ATG5: variants seen among roughly 807,000 people sequenced by gnomAD.
ATG5 encodes the protein autophagy protein 5.
A neutral mutation model predicts 36.5 loss-of-function variants in ATG5; 14 were observed. That is an observed-to-expected ratio of 0.38 (90% CI 0.25 to 0.60). The LOEUF is 0.60. Among genes scored for constraint, ATG5 ranks in the 20% least tolerant of loss-of-function variants. ATG5 has a pLI of 0.60. For synonymous variants in ATG5, 95 were observed against 101.5 expected, an observed-to-expected ratio of 0.94 and a Z score of 0.38; for missense variants, 195 against 326.7, an observed-to-expected ratio of 0.60 and a Z score of 3.11.
At chr6:106,234,326 T>C (rs945247133) in intron 6 of ATG5, among the ~76,000 whole-genome samples, 1 of 152,304 alleles carries the variant, frequency 6.6e-6, no homozygotes, top group African/African-American at 2.4e-5. Context: ...TACTAACTGT[T>C]GGATGTGCCT....
At chr6:106,281,338 C>G (rs1779869699) in intron 4 of ATG5, among the ~76,000 whole-genome samples, 1 of 152,170 alleles carries the variant, frequency 6.6e-6, no homozygotes, top group African/African-American at 2.4e-5. Context: ...GTGCCCTTTG[C>G]AGTCAGTTCC....
intron 6 of ATG5, among the ~76,000 whole-genome samples, chr6:106,209,653 TAC>T (rs1213070846): frequency 6.6e-6 from 1 of 152,078 alleles, no homozygotes; most frequent in African/African-American, 2.4e-5. Context: ...TAGAACTAAA[TAC>T]ACACACACAG....
intron 2 of ATG5, among the ~76,000 whole-genome samples, chr6:106,315,535 C>T (rs1270021187): frequency 6.6e-6 from 1 of 151,854 alleles, no homozygotes; most frequent in Non-Finnish European, 1.5e-5. Context: ...AGTCTATGTG[C>T]AATTTATAAT....
At chr6:106,274,192 A>G (rs751894276) in intron 5 of ATG5, among the ~76,000 whole-genome samples, 3 of 152,218 alleles carry the variant, frequency 2.0e-5, no homozygotes, top group South Asian at 4.1e-4. Context: ...CTAGCTTATA[A>G]GAAAAACAAC....
intron 1 of ATG5, among the ~76,000 whole-genome samples, chr6:106,321,362 C>CCTT (rs1562274765): frequency 1.4e-5 from 2 of 140,406 alleles, no homozygotes; most frequent in Non-Finnish European, 1.6e-5. Context: ...TGGGTCAACT[C>CCTT]TTTTTTTTTT....
At chr6:106,200,497 C>T (rs772526344) in intron 7 of ATG5, among the ~76,000 whole-genome samples, 63 of 145,318 alleles carry the variant, frequency 4.3e-4, no homozygotes, top group Admixed American at 1.2e-3. Flanking sequence ...TTTTTTGAGA[C>T]GGAGTCTCAC....
chr6:106,209,915 C>T (rs1776793530), intron 6 of ATG5, among the ~76,000 whole-genome samples: 1 of 152,140 alleles, frequency 6.6e-6, no homozygotes, highest in Non-Finnish European at 1.5e-5. Context: ...CTCTGAGGAC[C>T]TGTAGCATTT....
In ATG5 at chr6:106,290,372, G is replaced by A. The variant is rs116821690; in HGVS notation, c.315+2656C>T. Among the ~76,000 whole-genome samples the A allele has an allele frequency of 2.9e-3, 446 of 151,836 alleles. 2 individuals are homozygous for A. Among genetic ancestry groups the A allele is most frequent in the African/African-American group, 0.01 (417 of 41,392 alleles). ...GTTTTGCCCTGTCACCCAGGATGAA[G>A]TGCGGTTGTCTGATCATGGCTCACT... On this transcript the variant is annotated intron_variant, in intron 4 of 7. Transcript: ENST00000369076.
At chr6:106,218,375 A>C (rs1052879688) in intron 6 of ATG5, among the ~76,000 whole-genome samples, 3 of 152,216 alleles carry the variant, frequency 2.0e-5, no homozygotes, top group African/African-American at 7.2e-5. Flanking sequence ...TCATAGTTAA[A>C]TGAAATCTTC....
intron 6 of ATG5, among the ~76,000 whole-genome samples, chr6:106,208,734 T>C (rs541079841): frequency 2.8e-4 from 42 of 152,282 alleles, no homozygotes; most frequent in African/African-American, 8.9e-4. Flanking sequence ...AATGAAAACA[T>C]AAGCCGCAGG....
chr6:106,283,430 A>G (rs1330229467), intron 4 of ATG5: 1 of 151,958 alleles, frequency 6.6e-6, no homozygotes, highest in Admixed American at 6.6e-5. Context: ...GGGTCTCATT[A>G]TGCTGCCCAG....
intron 6 of ATG5, among the ~76,000 whole-genome samples, chr6:106,203,656 G>T (rs1423657870): frequency 6.6e-6 from 1 of 152,150 alleles, no homozygotes; most frequent in African/African-American, 2.4e-5. Flanking sequence ...CACCCAGGTT[G>T]AATTGCAGTG....
At chr6:106,283,517 A>C (rs1779960128) in intron 4 of ATG5, 1 of 152,030 alleles carries the variant, frequency 6.6e-6, no homozygotes, top group Non-Finnish European at 1.5e-5. Context: ...TCCATTTCTG[A>C]CCTGGGCTGT....
chr6:106,222,784 T>C (rs1005187837), intron 6 of ATG5, among the ~76,000 whole-genome samples: 1 of 152,178 alleles, frequency 6.6e-6, no homozygotes, highest in African/African-American at 2.4e-5. Context: ...ATGACCAATC[T>C]TTTTCTCAAT....
intron 6 of ATG5, among the ~76,000 whole-genome samples, chr6:106,209,299 C>T (rs1288257093): frequency 6.6e-6 from 1 of 152,136 alleles, no homozygotes; most frequent in African/African-American, 2.4e-5. Flanking sequence ...CAGGTGAATG[C>T]TTATAAACTG....
chr6:106,280,274 C>CAAAAAAAAAAAAAAAA (rs71793771), intron 4 of ATG5, among the ~76,000 whole-genome samples: 3 of 87,358 alleles, frequency 3.4e-5, no homozygotes, highest in Non-Finnish European at 2.4e-5. Flanking sequence ...AGTATTATGT[C>CAAAAAAAAAAAAAAAA]AAAAAAAAAA....
chr6:106,289,210 A>T (rs940073406), intron 4 of ATG5, among the ~76,000 whole-genome samples: 4 of 152,166 alleles, frequency 2.6e-5, no homozygotes, highest in Non-Finnish European at 4.4e-5. Flanking sequence ...TTCCTCACTA[A>T]AAGCATTGAT....
chr6:106,307,119 T>C (rs1051187859), intron 3 of ATG5, among the ~76,000 whole-genome samples: 1 of 152,144 alleles, frequency 6.6e-6, no homozygotes, highest in Admixed American at 6.5e-5. Context: ...ACAAGGTGAG[T>C]TCCAAAATTT....
At chr6:106,274,445 A>G (rs894679071) in intron 5 of ATG5, among the ~76,000 whole-genome samples, 2 of 152,206 alleles carry the variant, frequency 1.3e-5, no homozygotes, top group African/African-American at 4.8e-5. Flanking sequence ...TAAAATTAGC[A>G]TTTGAAAGTA....
Sources: allele counts gnomAD v4.1 joint callset (sites outside exome capture counted in the v4.1 genomes callset), GRCh38; gene constraint gnomAD v4.1.1; transcripts MANE v1.5; gene names NCBI Gene and HGNC (gene_info 2026-07-23, HGNC 2026-07-21).